The following SRGAP1 variants were observed in gnomAD, a reference collection of about 807,000 sequenced individuals.
The protein encoded by SRGAP1 is SLIT-ROBO Rho GTPase-activating protein 1.
In SRGAP1, 43 loss-of-function variants were observed where a neutral mutation model predicts 121.9. The ratio of observed to expected loss-of-function variants is 0.35; its 90% CI spans 0.28 to 0.46. The LOEUF is 0.46. Among genes scored for constraint, SRGAP1 ranks in the 20% least tolerant of loss-of-function variants. The pLI is 1.00. For missense variants in SRGAP1, 1,102 were observed against 1,350.9 expected (o/e 0.82, Z 2.89); for synonymous variants, 447 against 485.4 (o/e 0.92, Z 1.04).
At chr12:63,943,546 G>A (rs1398014320) in intron 1 of SRGAP1, among the ~76,000 whole-genome samples, 1 of 152,234 alleles carries the variant, frequency 6.6e-6, no homozygotes, top group African/African-American at 2.4e-5. Flanking sequence ...CTTGTAAGTG[G>A]TAAGAAATTT....
chr12:64,001,686 A>G (rs1003119750), intron 3 of SRGAP1, among the ~76,000 whole-genome samples: 1 of 152,218 alleles, frequency 6.6e-6, no homozygotes, highest in Non-Finnish European at 1.5e-5. Flanking sequence ...TTGCAAATGC[A>G]AGAAAGAACA....
At chr12:63,984,384 C>T (rs764196669) in intron 2 of SRGAP1, among the ~76,000 whole-genome samples, 1 of 151,880 alleles carries the variant, frequency 6.6e-6, no homozygotes, top group Non-Finnish European at 1.5e-5. Flanking sequence ...CTTTATATGC[C>T]AGAAGAGAAG....
At chr12:63,959,973 C>T (rs902397818) in intron 1 of SRGAP1, among the ~76,000 whole-genome samples, 78 of 152,256 alleles carry the variant, frequency 5.1e-4, no homozygotes, top group African/African-American at 1.8e-3. Context: ...TTTGCATTAT[C>T]CCCTTTTAAC....
chr12:64,089,384 C>A (rs955062824), intron 11 of SRGAP1, among the ~76,000 whole-genome samples: 1 of 152,238 alleles, frequency 6.6e-6, no homozygotes, highest in Admixed American at 6.5e-5. Context: ...TCCTGACCCA[C>A]CCCGGTGCTT....
At chr12:64,003,225 T>C (rs1204790430) in intron 3 of SRGAP1, among the ~76,000 whole-genome samples, 1 of 152,046 alleles carries the variant, frequency 6.6e-6, no homozygotes, top group Non-Finnish European at 1.5e-5. Context: ...TAGCTGGGAC[T>C]ACAGGTGTAC....
chr12:64,029,799 C>T (rs1405767775), intron 4 of SRGAP1, among the ~76,000 whole-genome samples: 1 of 39,566 alleles, frequency 2.5e-5, no homozygotes, highest in Non-Finnish European at 5.4e-5. Context: ...GAGTTCGAGA[C>T]CAGCAGGCTG....
chr12:63,978,191 T>C (rs1383469147), intron 1 of SRGAP1, among the ~76,000 whole-genome samples: 1 of 152,238 alleles, frequency 6.6e-6, no homozygotes, highest in Non-Finnish European at 1.5e-5. Flanking sequence ...GTGATATAGC[T>C]ATCTTTCAAT....
chr12:64,101,425 T>G (rs762046469), intron 15 of SRGAP1, among the ~76,000 whole-genome samples: 2 of 152,102 alleles, frequency 1.3e-5, no homozygotes, highest in East Asian at 3.9e-4. Context: ...TACAAATATA[T>G]GTAGTCAAAG....
At chr12:63,916,032 C>CTTTT (rs140042368) in intron 1 of SRGAP1, among the ~76,000 whole-genome samples, 16 of 125,192 alleles carry the variant, frequency 1.3e-4, no homozygotes, top group Admixed American at 2.7e-4. Context: ...CTTTTCTTTT[C>CTTTT]TTTTTTTTTT....
At chr12:63,856,783 C>G (rs551806508) in intron 1 of SRGAP1, among the ~76,000 whole-genome samples, 4 of 152,314 alleles carry the variant, frequency 2.6e-5, no homozygotes, top group African/African-American at 9.6e-5. Context: ...TTGCTCCTTT[C>G]TCTTCCAAGT....
chr12:63,899,114 T>C (rs893778844), intron 1 of SRGAP1, among the ~76,000 whole-genome samples: 33 of 152,202 alleles, frequency 2.2e-4, no homozygotes, highest in African/African-American at 8.0e-4. Context: ...GGCTCACACC[T>C]GTAATCCCAG....
chr12:63,863,314 C>A (rs1233498754), intron 1 of SRGAP1, among the ~76,000 whole-genome samples: 1 of 150,920 alleles, frequency 6.6e-6, no homozygotes, highest in Non-Finnish European at 1.5e-5. Flanking sequence ...ACCTTATCGC[C>A]CAGGCTGGAG....
At chr12:63,967,890 G>A (rs1044977198) in intron 1 of SRGAP1, among the ~76,000 whole-genome samples, 2 of 152,218 alleles carry the variant, frequency 1.3e-5, no homozygotes, top group Non-Finnish European at 2.9e-5. Context: ...AACAGTTCCA[G>A]TAAGCCTGGA....
intron 12 of SRGAP1, among the ~76,000 whole-genome samples, chr12:64,093,944 G>A (rs985274947): frequency 3.3e-5 from 5 of 152,098 alleles, no homozygotes; most frequent in Non-Finnish European, 7.4e-5. Context: ...AAGGTTAATG[G>A]ATTCTGAATT....
At chr12:63,975,207 T>C (rs2033060587) in intron 1 of SRGAP1, among the ~76,000 whole-genome samples, 2 of 152,210 alleles carry the variant, frequency 1.3e-5, no homozygotes, top group Non-Finnish European at 2.9e-5. Context: ...TCCAAAGAAA[T>C]CGTCCCTTCT....
chr12:63,999,066 A>G (rs1179666672), intron 3 of SRGAP1, among the ~76,000 whole-genome samples: 2 of 152,130 alleles, frequency 1.3e-5, no homozygotes, highest in Non-Finnish European at 2.9e-5. Context: ...GAGATGAGGA[A>G]AGCTGCAATT....
chr12:64,080,688 G>A, intron 10 of SRGAP1: 1 of 408,234 alleles, frequency 2.4e-6, no homozygotes. Context: ...TCCCCTACCT[G>A]CTGACCCCCC....
At chr12:64,100,209 C>A (rs2036231891) in intron 15 of SRGAP1, among the ~76,000 whole-genome samples, 1 of 152,166 alleles carries the variant, frequency 6.6e-6, no homozygotes, top group African/African-American at 2.4e-5. Flanking sequence ...GGGTTGGCCA[C>A]TTATCAATCT....
At chr12:63,869,096 C>T (rs1899762553) in intron 1 of SRGAP1, among the ~76,000 whole-genome samples, 1 of 152,176 alleles carries the variant, frequency 6.6e-6, no homozygotes, top group African/African-American at 2.4e-5. Context: ...TGTTAAGACA[C>T]TAAGGTCTGT....
Sources: gnomAD v4.1 joint callset for allele counts (sites outside exome capture counted in the v4.1 genomes callset) on GRCh38, gnomAD v4.1.1 for gene constraint, MANE v1.5 for transcripts, NCBI Gene and HGNC (gene_info 2026-07-23, HGNC 2026-07-21) for gene names.